The following RRBP1 variants were observed in gnomAD, a reference collection of about 807,000 sequenced individuals.
RRBP1 encodes ribosome-binding protein 1.
RRBP1 carries 94 observed loss-of-function variants against 165.2 expected under a neutral mutation model. The observed-to-expected ratio is 0.57, with a 90% confidence interval of 0.48 to 0.68. RRBP1 has a LOEUF of 0.68. Among genes scored for constraint, RRBP1 ranks in the 30% least tolerant of loss-of-function variants. RRBP1 has a pLI of 0.00. For synonymous variants in RRBP1, 680 were observed against 714.5 expected (o/e 0.95, Z 0.77); for missense variants, 1,676 against 1,763.0 (o/e 0.95, Z 0.88).
Position 17,614,103 on chromosome 20 carries a change from G to C in RRBP1, c.*79C>G, listed in dbSNP as rs888671155. ...AGTTGGGCCTGGATAACGCTGTGTA[G>C]GTTGGTTGGTTTATTTGTAAGGAAT... On this transcript the variant is annotated 3_prime_UTR_variant, in exon 25 of 25. Coordinates refer to ENST00000377813, the MANE Select transcript of RRBP1 (RefSeq NM_001365613.2). The C allele has an allele frequency of 2.1e-6, 3 of 1,418,992 alleles. No homozygotes were observed. The highest frequency in any genetic ancestry group is 3.0e-6 in the Non-Finnish European group (3 of 1,003,018). The allele number at this position is 1,418,992 out of a possible 1,614,324, so 87.9% of individuals were successfully genotyped here. A position where few individuals can be genotyped will look rare whatever the true frequency, so the allele number is the denominator to read the frequency against.
In RRBP1 at chr20:17,636,620, C is replaced by G; in HGVS notation, c.2294G>C (p.Ser765Thr). 1 of 1,612,806 alleles carries G rather than the reference C, an allele frequency of 6.2e-7. No homozygotes were observed. The highest frequency in any genetic ancestry group is 1.3e-5 in the African/African-American group (1 of 75,066). The change falls in exon 6 of 25, where the codon AGC becomes ACC. Residue 765 changes from serine (S) to threonine (T), a missense_variant. This residue lies in a region of RRBP1 where 1,184 missense variants were observed against 1,167.1 expected (regional missense o/e 1.01). Transcript: ENST00000377813. ...CACCTCCTTCACGTGCTCCCGGTAGCTGGCCTGCATGCGTGCCTGCACAGC... is the reference window on the plus strand; with the variant it reads ...CACCTCCTTCACGTGCTCCCGGTAGGTGGCCTGCATGCGTGCCTGCACAGC... ...ITAVQARMQA[S>T]YREHVKEVQQ...
intron 2 of RRBP1, among the ~76,000 whole-genome samples, chr20:17,661,476 A>G (rs910810645): frequency 6.6e-6 from 1 of 152,104 alleles, no homozygotes; most frequent in African/African-American, 2.4e-5. Context: ...AATGAACAAC[A>G]CCATTCTCAC....
chr20:17,624,500 A>G, intron 13 of RRBP1, 76 bp downstream of exon 13: 1 of 960,512 alleles, frequency 1.0e-6, no homozygotes, highest in South Asian at 1.4e-5. Context: ...GTCCTAGTGC[A>G]TCTGTACGTC....
chr20:17,643,239 G>T lies in RRBP1; in HGVS notation c.1913-112C>A. 1 of 1,127,336 alleles carries T rather than the reference G, an allele frequency of 8.9e-7. No homozygotes were observed. Among genetic ancestry groups the T allele is most frequent in the South Asian group, 1.5e-5 (1 of 66,512 alleles). The allele number at this position is 1,127,336 out of a possible 1,614,324, so 69.8% of individuals were successfully genotyped here. ...TGGTCACAGCCACGAAGAGCTCTCTGACTGCTTGGGGTCAGCAGGCTGAGC... is the reference window on the plus strand; with the variant it reads ...TGGTCACAGCCACGAAGAGCTCTCTTACTGCTTGGGGTCAGCAGGCTGAGC... On this transcript the variant is annotated intron_variant, in intron 3 of 24. Coordinates refer to ENST00000377813, the MANE Select transcript of RRBP1 (RefSeq NM_001365613.2). The surrounding 1 kb of genome is among the most constrained non-coding windows in gnomAD (Gnocchi z 4.3).
Position 17,620,257 on chromosome 20 carries a change from C to G in RRBP1, c.3579+42G>C, listed in dbSNP as rs375274048. On this transcript the variant is annotated intron_variant, in intron 18 of 24. Coordinates refer to ENST00000377813, the MANE Select transcript of RRBP1 (RefSeq NM_001365613.2). ...TGCATTAACGTCACTTTCAAAGAGGCTCCCGGGACAAGAGAAAGAGTTCTC... is the reference window on the plus strand; with the variant it reads ...TGCATTAACGTCACTTTCAAAGAGGGTCCCGGGACAAGAGAAAGAGTTCTC... 2.5e-5 allele frequency: 37 copies of G among 1,484,610 alleles called. No homozygotes were observed. In the African/African-American group the frequency reaches 3.2e-4, roughly 13 times the overall value. The allele number at this position is 1,484,610 out of a possible 1,614,324, so 92.0% of individuals were successfully genotyped here. A position where few individuals can be genotyped will look rare whatever the true frequency, so the allele number is the denominator to read the frequency against.
At chr20:17,669,968 C>G (rs2036945662) in intron 2 of RRBP1, among the ~76,000 whole-genome samples, 1 of 152,144 alleles carries the variant, frequency 6.6e-6, no homozygotes, top group East Asian at 1.9e-4. Context: ...CAACACAGTG[C>G]TAAAGAGAAG....
At chr20:17,666,422 T>C (rs948789408) in intron 2 of RRBP1, among the ~76,000 whole-genome samples, 2 of 152,196 alleles carry the variant, frequency 1.3e-5, no homozygotes, top group African/African-American at 4.8e-5. Context: ...CGTTGTTTTG[T>C]TGATGGTTAG....
chr20:17,623,144 G>A (rs2035948545), intron 13 of RRBP1: 1 of 152,202 alleles, frequency 6.6e-6, no homozygotes, highest in African/African-American at 2.4e-5. Context: ...GACATCTCTG[G>A]TCACAGCTTC....
intron 3 of RRBP1, among the ~76,000 whole-genome samples, chr20:17,649,339 G>A (rs1410499616): frequency 6.6e-6 from 1 of 152,242 alleles, no homozygotes; most frequent in African/African-American, 2.4e-5. Context: ...CACACCGGCC[G>A]CTCTGCCATC....
chr20:17,632,510 G>A (rs1481839350), intron 8 of RRBP1, among the ~76,000 whole-genome samples: 1 of 152,164 alleles, frequency 6.6e-6, no homozygotes, highest in Non-Finnish European at 1.5e-5. Context: ...AATTCAAACT[G>A]TTTCTTTGTC....
At chr20:17,637,972 C>T (rs2036278736) in intron 5 of RRBP1, among the ~76,000 whole-genome samples, 1 of 152,204 alleles carries the variant, frequency 6.6e-6, no homozygotes, top group African/African-American at 2.4e-5. Flanking sequence ...AGAGGACACA[C>T]TTGTCCAAGG....
chr20:17,635,935 C>CT (rs1366733104), intron 6 of RRBP1, among the ~76,000 whole-genome samples: 2 of 152,224 alleles, frequency 1.3e-5, no homozygotes, highest in Non-Finnish European at 2.9e-5. Flanking sequence ...CCCAGGGTCT[C>CT]TGACACACCC....
At chr20:17,671,942 C>T (rs2036987502) in intron 2 of RRBP1, among the ~76,000 whole-genome samples, 1 of 152,238 alleles carries the variant, frequency 6.6e-6, no homozygotes, top group African/African-American at 2.4e-5. Context: ...TCGCCCCCAA[C>T]AGCCAAACCA....
intron 8 of RRBP1, 142 bp from the exon 9 acceptor site, chr20:17,630,103 T>C (rs2122305430): frequency 1.1e-6 from 1 of 891,156 alleles, no homozygotes; most frequent in Non-Finnish European, 1.6e-6. Flanking sequence ...AATGCATCCC[T>C]CGAGGCTCTA....
At chr20:17,642,241 C>T (rs758803253) in intron 4 of RRBP1, among the ~76,000 whole-genome samples, 2 of 152,240 alleles carry the variant, frequency 1.3e-5, no homozygotes, top group Non-Finnish European at 2.9e-5. Context: ...CTACCCGAGC[C>T]GGGCGTGCAG....
At chr20:17,651,681 T>C (rs2036562102) in intron 3 of RRBP1, among the ~76,000 whole-genome samples, 1 of 151,858 alleles carries the variant, frequency 6.6e-6, no homozygotes, top group African/African-American at 2.4e-5. Flanking sequence ...CGGATGGTGA[T>C]TGGGATGGAG....
At chr20:17,665,111 T>TG (rs3838382) in intron 2 of RRBP1, among the ~76,000 whole-genome samples, 10,241 of 150,948 alleles carry the variant, frequency 0.068, 1,108 homozygotes, top group African/African-American at 0.23. Flanking sequence ...CATATATATG[T>TG]GGGGGGGGGA....
chr20:17,668,524 T>A (rs2036912975), intron 2 of RRBP1, among the ~76,000 whole-genome samples: 1 of 152,228 alleles, frequency 6.6e-6, no homozygotes, highest in Non-Finnish European at 1.5e-5. Context: ...AGCCAGGGAC[T>A]AACTTTTACA....
In RRBP1 at chr20:17,616,886, C is replaced by A. The variant is rs2236252; in HGVS notation, c.3760-47G>T. ...TTGCAAATGCACAGCCAGTCGCACACCCACCATGCTCACTCCTGCAGGGAC... is the reference window on the plus strand; with the variant it reads ...TTGCAAATGCACAGCCAGTCGCACAACCACCATGCTCACTCCTGCAGGGAC... On this transcript the variant is annotated intron_variant, in intron 20 of 24. Coordinates refer to ENST00000377813, the MANE Select transcript of RRBP1 (RefSeq NM_001365613.2). The A allele has an allele frequency of 2.8e-6, 4 of 1,412,430 alleles. No individual in the cohort carries two copies. The South Asian group carries it at 4.6e-5, about 16-fold the overall frequency. 87.5% of individuals were successfully genotyped at this position (1,412,430 alleles called of 1,614,324 possible).
Sources: gnomAD v4.1 joint callset for allele counts (sites outside exome capture counted in the v4.1 genomes callset) on GRCh38, gnomAD v4.1.1 for gene constraint, gnomAD v4.1.1 regional missense constraint, Gnocchi (gnomAD v3.1) non-coding constraint, MANE v1.5 for transcripts, NCBI Gene and HGNC (gene_info 2026-07-23, HGNC 2026-07-21) for gene names.